The following RGPD1 variants were observed in gnomAD, a reference collection of about 807,000 sequenced individuals.
RGPD1 encodes RANBP2 like and GRIP domain containing 1.
RGPD1 carries 7 observed loss-of-function variants against 40.6 expected under a neutral mutation model. The observed-to-expected ratio is 0.17, with a 90% CI of 0.10 to 0.32. The LOEUF is 0.32. RGPD1 is among the 10% of genes least tolerant of loss of function. RGPD1 has a pLI of 1.00. For synonymous variants in RGPD1, 24 were observed against 167.0 expected (o/e 0.14, Z 6.60); for missense variants, 50 against 472.5 (o/e 0.11, Z 8.29).
chr2:86,994,611 AG>A (rs1681752910), intron 20 of RGPD1, among the ~76,000 whole-genome samples: 1 of 14,494 alleles, frequency 6.9e-5, no homozygotes. Context: ...TGGGACTCAT[AG>A]GGCTTGTATT....
chr2:86,920,352 G>C (rs1185428863), intron 1 of RGPD1, among the ~76,000 whole-genome samples: 2 of 151,184 alleles, frequency 1.3e-5, no homozygotes, highest in Non-Finnish European at 1.5e-5. Context: ...TTACAGGTGT[G>C]AACCATGGCT....
chr2:86,925,767 C>T (rs544741126), intron 1 of RGPD1, among the ~76,000 whole-genome samples: 8,165 of 151,538 alleles, frequency 0.054, 442 homozygotes, highest in African/African-American at 0.19. Context: ...AATAGAGTCT[C>T]GCTGTATGCC....
intron 1 of RGPD1, among the ~76,000 whole-genome samples, chr2:86,931,647 C>T (rs1426610044): frequency 6.6e-6 from 1 of 151,778 alleles, no homozygotes; most frequent in Non-Finnish European, 1.5e-5. Context: ...AACATTATTA[C>T]TTCAGATAAC....
upstream of RGPD1, among the ~76,000 whole-genome samples, chr2:86,938,905 GT>G: frequency 7.6e-6 from 1 of 130,830 alleles, no homozygotes; most frequent in East Asian, 2.2e-4. Flanking sequence ...AGAAAGATTT[GT>G]TTGACACAGA....
At chr2:86,941,186 C>T (rs576752148), upstream of RGPD1, among the ~76,000 whole-genome samples, 1 of 151,956 alleles carries the variant, frequency 6.6e-6, no homozygotes, top group Non-Finnish European at 1.5e-5. Flanking sequence ...CTTTTAAAAT[C>T]TAAAAGGCTC....
chr2:86,923,475 T>A (rs1292149788), intron 1 of RGPD1, among the ~76,000 whole-genome samples: 23 of 149,948 alleles, frequency 1.5e-4, no homozygotes, highest in South Asian at 2.1e-4. Context: ...CACTCCTATA[T>A]AGACACAGAA....
intron 1 of RGPD1, chr2:86,914,019 G>C: frequency 4.9e-4 from 3 of 6,148 alleles, no homozygotes; most frequent in Non-Finnish European, 6.4e-4. Flanking sequence ...GGCCTGGCCG[G>C]GCGGCGGCGG....
At chr2:86,920,445 G>C (rs2104666910) in intron 1 of RGPD1, among the ~76,000 whole-genome samples, 1 of 147,728 alleles carries the variant, frequency 6.8e-6, no homozygotes, top group Non-Finnish European at 1.5e-5. Context: ...CATGTGAAAA[G>C]ATTAAGCCTC....
chr2:87,010,934 C>T (rs2104868730), intron 22 of RGPD1, among the ~76,000 whole-genome samples: 1 of 95,324 alleles, frequency 1.0e-5, no homozygotes, highest in East Asian at 3.2e-4. Flanking sequence ...CAGGTTAATT[C>T]TGGGATCTGA....
rs1573611484 is a variant in RGPD1 at position 86,943,638 on chromosome 2, T to C, written c.72+1330T>C. On this transcript the variant is annotated intron_variant, in intron 1 of 22. Transcript: ENST00000641458. The stretch of plus-strand genomic sequence containing the variant: ...ACATTAATAGAATTTGATAGGATGA[T>C]CCATTTTAAACATTTAGGGTATTGC... Among the ~76,000 whole-genome samples, 3 of 152,274 alleles carry C rather than the reference T, an allele frequency of 2.0e-5. No individual in the cohort carries two copies. In the East Asian group the frequency reaches 5.8e-4, roughly 29 times the overall value.
chr2:86,942,508 GCCGGGCGGCGGCGGCGGCCTCGAC>G (rs758524327), intron 1 of RGPD1, among the ~76,000 whole-genome samples, 200 bp downstream of exon 1: 2 of 133,310 alleles, frequency 1.5e-5, no homozygotes, highest in Non-Finnish European at 3.3e-5. Context: ...CCTCGACCTG[GCCGGGCGGCGGCGGCGGCCTCGAC>G]CTGGCCGGGC....
At chr2:86,937,438 A>G (rs1457936772), upstream of RGPD1, among the ~76,000 whole-genome samples, 4 of 143,166 alleles carry the variant, frequency 2.8e-5, no homozygotes, top group Non-Finnish European at 6.0e-5. Flanking sequence ...TGTTAGCAAT[A>G]TGTCATATTT....
At chr2:86,928,298 G>C (rs1170069165) in intron 1 of RGPD1, among the ~76,000 whole-genome samples, 2 of 152,156 alleles carry the variant, frequency 1.3e-5, no homozygotes, top group African/African-American at 4.8e-5. Context: ...CCAGGAATGA[G>C]CCTGGTATGA....
chr2:86,943,053 CG>C (rs1680020984), intron 1 of RGPD1, among the ~76,000 whole-genome samples: 2 of 151,062 alleles, frequency 1.3e-5, no homozygotes, highest in African/African-American at 4.9e-5. Flanking sequence ...TATGCTGCGG[CG>C]GAGGTCGTAC....
At chr2:86,930,913 C>T (rs1443378445) in intron 1 of RGPD1, among the ~76,000 whole-genome samples, 1 of 109,202 alleles carries the variant, frequency 9.2e-6, no homozygotes. Flanking sequence ...AGCCCACATT[C>T]TTATCTGAGC....
At chr2:86,947,814 A>G (rs2104786042) in intron 1 of RGPD1, among the ~76,000 whole-genome samples, 1 of 121,384 alleles carries the variant, frequency 8.2e-6, no homozygotes, top group East Asian at 2.7e-4. Flanking sequence ...TTGGGACTCC[A>G]CAGATTTGGA....
At chr2:86,915,362 CTGGTAAA>C (rs1677746568) in intron 1 of RGPD1, among the ~76,000 whole-genome samples, 1 of 149,144 alleles carries the variant, frequency 6.7e-6, no homozygotes, top group South Asian at 2.2e-4. Flanking sequence ...ATTTTCACTG[CTGGTAAA>C]TGGTATTCCA....
intron 1 of RGPD1, among the ~76,000 whole-genome samples, chr2:86,923,273 A>C (rs1678169623): frequency 6.6e-6 from 1 of 151,516 alleles, no homozygotes; most frequent in South Asian, 2.1e-4. Context: ...TCATGACCTC[A>C]AGTGACCTTC....
At chr2:86,928,234 C>T (rs1271635866) in intron 1 of RGPD1, among the ~76,000 whole-genome samples, 2 of 151,422 alleles carry the variant, frequency 1.3e-5, no homozygotes, top group South Asian at 2.1e-4. Flanking sequence ...AGACCCAAGA[C>T]ATTTGAGGAA....
Sources: allele counts gnomAD v4.1 joint callset (sites outside exome capture counted in the v4.1 genomes callset), GRCh38; gene constraint gnomAD v4.1.1; transcripts MANE v1.5; gene names NCBI Gene and HGNC (gene_info 2026-07-23, HGNC 2026-07-21).